The following SLC35F4 variants were observed in gnomAD, a reference collection of about 807,000 sequenced individuals.
SLC35F4 encodes the protein solute carrier family 35 member F4.
In SLC35F4, 24 loss-of-function variants were observed where a neutral mutation model predicts 44.2. That is an observed-to-expected ratio of 0.54 (90% CI 0.39 to 0.76). The LOEUF (loss-of-function observed/expected upper bound fraction) is 0.76. Ranked by LOEUF, SLC35F4 falls within the 30% of genes least tolerant of loss-of-function variation. The pLI is 0.00. For missense variants in SLC35F4, 562 were observed against 586.1 expected, an observed-to-expected ratio of 0.96 and a Z score of 0.42; for synonymous variants, 238 against 223.6, an observed-to-expected ratio of 1.06 and a Z score of -0.57.
At chr14:57,893,644 T>C (rs374093191) in intron 1 of SLC35F4, among the ~76,000 whole-genome samples, 77 of 152,288 alleles carry the variant, frequency 5.1e-4, no homozygotes, top group African/African-American at 1.8e-3. Context: ...AGCACCTGCT[T>C]TGTAACTCAT....
chr14:57,977,198 G>C (rs1302066583), intron 1 of SLC35F4, among the ~76,000 whole-genome samples: 1 of 152,048 alleles, frequency 6.6e-6, no homozygotes, highest in Non-Finnish European at 1.5e-5. Flanking sequence ...TTTTGGATTT[G>C]AGTGCTCTAA....
chr14:57,697,517 A>T (rs2075417586), intron 1 of SLC35F4, among the ~76,000 whole-genome samples: 1 of 152,100 alleles, frequency 6.6e-6, no homozygotes, highest in Admixed American at 6.6e-5. Context: ...CCTGGGCAAC[A>T]TGGCAAAACC....
At chr14:57,937,486 T>C (rs1889818959) in intron 1 of SLC35F4, among the ~76,000 whole-genome samples, 1 of 150,300 alleles carries the variant, frequency 6.7e-6, no homozygotes, top group South Asian at 2.1e-4. Flanking sequence ...AAAGAGGTCA[T>C]AATAATAGGT....
rs188825163 is a variant in SLC35F4, at chr14:57,881,533, T to C, written n.282+100380A>G. Among the ~76,000 whole-genome samples, 84 of 152,322 alleles carry C rather than the reference T, an allele frequency of 5.5e-4. 1 individual carries two copies. Among genetic ancestry groups the C allele is most frequent in the Admixed American group, 3.4e-3 (52 of 15,296 alleles). ...CTTCTCTAAAATCTGGGCTCCATTT[T>C]TTAAAATGGGCATAATAACATTTAT... On this transcript the variant is annotated intron_variant and non_coding_transcript_variant, in intron 1 of 1. Transcript: ENST00000556568.
intron 1 of SLC35F4, among the ~76,000 whole-genome samples, chr14:57,859,679 T>C (rs1887515090): frequency 6.6e-6 from 1 of 152,068 alleles, no homozygotes; most frequent in Admixed American, 6.6e-5. Flanking sequence ...GTGCGTATGC[T>C]GGATTGGAAG....
chr14:57,908,516 T>C (rs1167274929), intron 1 of SLC35F4, among the ~76,000 whole-genome samples: 1 of 152,240 alleles, frequency 6.6e-6, no homozygotes, highest in African/African-American at 2.4e-5. Flanking sequence ...GTGGTTTTGA[T>C]TTGCATTTCT....
intron 1 of SLC35F4, 53 bp from the exon 2 acceptor site, chr14:57,594,177 T>C (rs2070359585): frequency 6.8e-7 from 1 of 1,473,026 alleles, no homozygotes; most frequent in African/African-American, 1.4e-5. Flanking sequence ...AAATTGGAAG[T>C]AGATTTTATT....
intron 1 of SLC35F4, among the ~76,000 whole-genome samples, chr14:57,820,161 A>C (rs1883014369): frequency 6.6e-6 from 1 of 152,200 alleles, no homozygotes; most frequent in South Asian, 2.1e-4. Flanking sequence ...ATAAAACTTG[A>C]AACATTTAAA....
chr14:57,660,131 G>A (rs1422066646), intron 1 of SLC35F4, among the ~76,000 whole-genome samples: 1 of 152,148 alleles, frequency 6.6e-6, no homozygotes, highest in Non-Finnish European at 1.5e-5. Context: ...ATATGCTTGA[G>A]CATCCTAGAA....
intron 1 of SLC35F4, among the ~76,000 whole-genome samples, chr14:57,814,885 A>C (rs1230165046): frequency 1.3e-5 from 2 of 152,228 alleles, no homozygotes; most frequent in Non-Finnish European, 2.9e-5. Flanking sequence ...TCTGTTTTAA[A>C]AAATAAACGT....
At chr14:57,958,464 T>G (rs762424069) in intron 1 of SLC35F4, among the ~76,000 whole-genome samples, 1 of 150,930 alleles carries the variant, frequency 6.6e-6, no homozygotes, top group Non-Finnish European at 1.5e-5. Flanking sequence ...TCCTCAGAGA[T>G]GCAAAGTAGA....
In SLC35F4 at chr14:57,962,370, C is replaced by G. The variant is rs550667667; in HGVS notation, n.282+19543G>C. Among the ~76,000 whole-genome samples the G allele has an allele frequency of 3.3e-5, 5 of 152,274 alleles. No individual in the cohort carries two copies. In the South Asian group the frequency reaches 8.3e-4, roughly 25 times the overall value. ...TGTGGCCTGACCCTGACTAGCTGCT[C>G]CCGGGATCTAAGCTCAGATCAGTCC... On this transcript the variant is annotated intron_variant and non_coding_transcript_variant, in intron 1 of 1. Coordinates refer to the SLC35F4 transcript ENST00000556568.
chr14:57,760,848 G>T (rs2077106571), intron 1 of SLC35F4, among the ~76,000 whole-genome samples: 1 of 152,098 alleles, frequency 6.6e-6, no homozygotes, highest in African/African-American at 2.4e-5. Flanking sequence ...TCTTTCCAGG[G>T]CGCTGGGTAG....
intron 1 of SLC35F4, among the ~76,000 whole-genome samples, chr14:57,778,830 A>G (rs1350067313): frequency 1.3e-5 from 2 of 152,168 alleles, no homozygotes; most frequent in Non-Finnish European, 2.9e-5. Flanking sequence ...ACTTGTAACC[A>G]TACAATTACA....
intron 1 of SLC35F4, among the ~76,000 whole-genome samples, chr14:57,761,468 CTT>C (rs1466652767): frequency 1.3e-5 from 2 of 152,026 alleles, no homozygotes; most frequent in East Asian, 3.8e-4. Context: ...ATAATGAAGA[CTT>C]AGAACAAAAA....
intron 1 of SLC35F4, among the ~76,000 whole-genome samples, chr14:57,692,597 T>C (rs1157213272): frequency 6.6e-6 from 1 of 152,128 alleles, no homozygotes; most frequent in Non-Finnish European, 1.5e-5. Context: ...GGTGCTATTG[T>C]GGATGGCACT....
intron 1 of SLC35F4, among the ~76,000 whole-genome samples, chr14:57,836,077 A>C (rs1884886857): frequency 6.6e-6 from 1 of 152,214 alleles, no homozygotes; most frequent in Admixed American, 6.5e-5. Context: ...AAAGGAGGTG[A>C]GAAAGGCCTG....
At chr14:57,891,303 T>C (rs1242897275) in intron 1 of SLC35F4, among the ~76,000 whole-genome samples, 30 of 152,194 alleles carry the variant, frequency 2.0e-4, no homozygotes, top group Admixed American at 1.9e-3. Context: ...CAGTGTTTTA[T>C]GCAGTTACAA....
At chr14:57,582,150 T>C (rs942288593) in intron 3 of SLC35F4, among the ~76,000 whole-genome samples, 1 of 152,182 alleles carries the variant, frequency 6.6e-6, no homozygotes, top group Non-Finnish European at 1.5e-5. Flanking sequence ...GGAAGTTGGC[T>C]ACATTTAGCC....
Sources: allele counts gnomAD v4.1 joint callset (sites outside exome capture counted in the v4.1 genomes callset), GRCh38; gene constraint gnomAD v4.1.1; transcripts MANE v1.5; gene names NCBI Gene and HGNC (gene_info 2026-07-23, HGNC 2026-07-21).